PLA2G4D: variants seen among roughly 807,000 people sequenced by gnomAD.
PLA2G4D encodes phospholipase A2 group IVD.
PLA2G4D carries 80 observed loss-of-function variants against 94.4 expected under a neutral mutation model. The observed-to-expected ratio is 0.85, with a 90% confidence interval of 0.71 to 1.02. PLA2G4D has a LOEUF of 1.02. Ranked by LOEUF, PLA2G4D falls within the 50% of genes least tolerant of loss-of-function variation. PLA2G4D has a pLI of 0.00. For synonymous variants in PLA2G4D, 438 were observed against 440.9 expected, an observed-to-expected ratio of 0.99 and a Z score of 0.08; for missense variants, 1,050 against 1,034.7, an observed-to-expected ratio of 1.01 and a Z score of -0.20.
Position 42,071,482 on chromosome 15 carries a change from G to A in PLA2G4D, c.1643C>T (p.Ser548Phe). The change falls in exon 16 of 20, where the codon TCC (serine) becomes TTC (phenylalanine). Residue 548 changes from serine to phenylalanine, a missense_variant. Coordinates refer to ENST00000290472, the MANE Select transcript of PLA2G4D (RefSeq NM_178034.4). ...CTTGTCCTTGATGTGCTGTTTCCAG[G>A]ACTCCCCAGAACTGGTGAGGTCATA... is the stretch of plus-strand genomic sequence containing the variant. ...AWYDLTSSGE[S>F]WKQHIKDKTR... The A allele has an allele frequency of 1.2e-6, 2 of 1,613,862 alleles. No individual in the cohort carries two copies. The highest frequency in any genetic ancestry group is 1.7e-6 in the Non-Finnish European group (2 of 1,179,878).
chr15:42,092,092 T>C (rs116953180), intron 1 of PLA2G4D, among the ~76,000 whole-genome samples: 11,567 of 152,292 alleles, frequency 0.076, 549 homozygotes, highest in Middle Eastern at 0.14. Flanking sequence ...TCTTTATTTC[T>C]AAACTCTCTC....
rs1890109011 is a variant in PLA2G4D at position 42,084,812 on chromosome 15, T to C, written c.471+284A>G. Among the ~76,000 whole-genome samples, 1 of 152,148 alleles carries C rather than the reference T, an allele frequency of 6.6e-6. No individual in the cohort carries two copies. The highest frequency in any genetic ancestry group is 2.1e-4 in the South Asian group (1 of 4,834). On this transcript the variant is annotated intron_variant, in intron 6 of 19. Transcript: ENST00000290472. The surrounding 1 kb of genome is among the most constrained non-coding windows in gnomAD (Gnocchi z 4.8). ...CTCAGTCAATCCCTAGAACTATGAG[T>C]TCACCGCAGGTGACTAAACACCTTC...
intron 16 of PLA2G4D, 27 bp from the exon 17 acceptor site, chr15:42,071,344 C>T: frequency 6.4e-7 from 1 of 1,565,834 alleles, no homozygotes; most frequent in Non-Finnish European, 8.6e-7. Flanking sequence ...AGAAATTGGT[C>T]CCTTCTTCCC....
Position 42,069,834 on chromosome 15 carries a change from G to T in PLA2G4D, c.2230+75C>A, listed in dbSNP as rs1889765516. 5 of 1,240,162 alleles carry T rather than the reference G, an allele frequency of 4.0e-6. No homozygotes were observed. The African/African-American group carries it at 4.8e-5, about 12-fold the overall frequency. The allele number at this position is 1,240,162 out of a possible 1,614,324, so 76.8% of individuals were successfully genotyped here. A position where few individuals can be genotyped will look rare whatever the true frequency, so the allele number is the denominator to read the frequency against. On this transcript the variant is annotated intron_variant, in intron 19 of 19. Transcript: ENST00000290472. ...TGGCAGACTCATTTCCCTTCCCTCTGCTGGGCAGCCGGGGGGCCCAGGGCA... is the reference window on the plus strand; with the variant it reads ...TGGCAGACTCATTTCCCTTCCCTCTTCTGGGCAGCCGGGGGGCCCAGGGCA...
At position 42,086,194 on chromosome 15, in the gene PLA2G4D, T is replaced by TTGGGGGGGGGGGGGGGCGGGG; in HGVS notation, c.387+18_387+19insCCCCGCCCCCCCCCCCCCCCA. On this transcript the variant is annotated intron_variant, in intron 4 of 19. Transcript: ENST00000290472. ...GGAAGAAGTGGGGCCCACGGGGACT[T>TTGGGGGGGGGGGGGGGCGGGG]CCCCACCCACCCACCCACCTGGGGA... 1 of 1,370,444 alleles carries TTGGGGGGGGGGGGGGGCGGGG rather than the reference T, an allele frequency of 7.3e-7. No homozygotes were observed. Among genetic ancestry groups the TTGGGGGGGGGGGGGGGCGGGG allele is most frequent in the Non-Finnish European group, 9.6e-7 (1 of 1,043,084 alleles). The allele number at this position is 1,370,444 out of a possible 1,614,324, so 84.9% of individuals were successfully genotyped here. A position where few individuals can be genotyped will look rare whatever the true frequency, so the allele number is the denominator to read the frequency against.
Position 42,067,232 on chromosome 15 carries a change from G to C in PLA2G4D, c.*1483C>G, listed in dbSNP as rs1033352589. 1.3e-5 allele frequency: 2 copies of C among 152,214 alleles called. No individual in the cohort carries two copies. Among genetic ancestry groups the C allele is most frequent in the Non-Finnish European group, 2.9e-5 (2 of 68,078 alleles). 9.4% of individuals were successfully genotyped at this position (152,214 alleles called of 1,614,324 possible). ...TATGTGTACACGCACCCTTGCATGA[G>C]GGAGGTAAGAAATGTGCTAGCAGCT... On this transcript the variant is annotated 3_prime_UTR_variant, in exon 20 of 20. Coordinates refer to ENST00000290472, the MANE Select transcript of PLA2G4D (RefSeq NM_178034.4).
At chr15:42,069,005 G>T in intron 19 of PLA2G4D, 64 bp from the exon 20 acceptor site, 1 of 1,434,812 alleles carries the variant, frequency 7.0e-7, no homozygotes. Flanking sequence ...TGGCAGCGGC[G>T]CACAGGGAGG....
Position 42,079,567 on chromosome 15 carries a change from C to T in PLA2G4D, c.1287G>A (p.Ala429=), listed in dbSNP as rs779546424. The T allele has an allele frequency of 2.6e-5, 41 of 1,607,134 alleles. No homozygotes were observed. Among genetic ancestry groups the T allele is most frequent in the Non-Finnish European group, 3.4e-5 (40 of 1,178,490 alleles). Residue 429 remains alanine, a synonymous_variant, in exon 13 of 20, where the codon GCG becomes GCA. Transcript: ENST00000290472. ...GHPTTFVDLW[A]LVLESMLHGQ... is the part of the protein sequence containing the mutation. ...CGTGCAGCATGGACTCCAGCACTAGCGCCCACAGGTCCACAAAGGTCGTGG... is the reference window on the plus strand; with the variant it reads ...CGTGCAGCATGGACTCCAGCACTAGTGCCCACAGGTCCACAAAGGTCGTGG...
At chr15:42,080,166 C>A (rs555589522) in intron 12 of PLA2G4D, among the ~76,000 whole-genome samples, 175 of 152,262 alleles carry the variant, frequency 1.1e-3, no homozygotes, top group African/African-American at 3.9e-3. Flanking sequence ...GGCTGCATTT[C>A]AAATGGTCAA....
intron 10 of PLA2G4D, 61 bp downstream of exon 10, chr15:42,081,736 A>C: frequency 6.2e-7 from 1 of 1,613,462 alleles, no homozygotes. Context: ...ACCTTTGTCC[A>C]TAGCCCTCCC....
Position 42,082,244 on chromosome 15 carries a change from T to C in PLA2G4D, c.783+35A>G, listed in dbSNP as rs758962106. 4.5e-6 allele frequency: 7 copies of C among 1,541,282 alleles called. No homozygotes were observed. In the Admixed American group the frequency reaches 1.2e-4, roughly 26 times the overall value. On this transcript the variant is annotated intron_variant, in intron 9 of 19. Coordinates refer to ENST00000290472, the MANE Select transcript of PLA2G4D (RefSeq NM_178034.4). ...ACAGAGCCCAGCCTTATCTTCATTC[T>C]TACTGGCATTTCCCATCCAGTTGAG...
At position 42,085,376 on chromosome 15, in the gene PLA2G4D, G is replaced by C. The variant is rs1890121309; in HGVS notation, c.428+115C>G. 2.0e-5 allele frequency: 25 copies of C among 1,261,846 alleles called. 2 individuals carry two copies. In the South Asian group the frequency reaches 3.0e-4, roughly 15 times the overall value. 78.2% of individuals were successfully genotyped at this position (1,261,846 alleles called of 1,614,324 possible). A position where few individuals can be genotyped will look rare whatever the true frequency, so the allele number is the denominator to read the frequency against. The stretch of plus-strand genomic sequence containing the variant: ...CGCCCCACTCCCGACCTCTCTGGCA[G>C]GGGTAGGAGATGAGGGACAGTCAGG... On this transcript the variant is annotated intron_variant, in intron 5 of 19. Coordinates refer to ENST00000290472, the MANE Select transcript of PLA2G4D (RefSeq NM_178034.4).
At position 42,068,946 on chromosome 15, in the gene PLA2G4D, C is replaced by T. The variant is rs373743306; in HGVS notation, c.2231-5G>A. On this transcript the variant is annotated splice_region_variant and splice_polypyrimidine_tract_variant and intron_variant, in intron 19 of 19. Coordinates refer to ENST00000290472, the MANE Select transcript of PLA2G4D (RefSeq NM_178034.4). Reference sequence around the variant, plus strand: ...CTGCGGGGCTGCGCTGGACACCTGCCCAGGGGTAGGAGGGGTGTCAGGAGC... The same window carrying T: ...CTGCGGGGCTGCGCTGGACACCTGCTCAGGGGTAGGAGGGGTGTCAGGAGC... The T allele has an allele frequency of 6.2e-7, 1 of 1,605,838 alleles. No homozygotes were observed. The highest frequency in any genetic ancestry group is 8.5e-7 in the Non-Finnish European group (1 of 1,177,472).
In PLA2G4D at chr15:42,068,491, T is replaced by C. The variant is rs1180202068; in HGVS notation, c.*224A>G. On this transcript the variant is annotated 3_prime_UTR_variant, in exon 20 of 20. Transcript: ENST00000290472. ...GTCTGTCTGGTTGGACCAGCTGTTC[T>C]ACACACTGGCCTGGCGAAGTTATTT... is the stretch of plus-strand genomic sequence containing the variant. The C allele has an allele frequency of 1.7e-6, 1 of 574,126 alleles. No individual in the cohort carries two copies. The highest frequency in any genetic ancestry group is 3.1e-5 in the Admixed American group (1 of 32,704). 35.6% of individuals were successfully genotyped at this position (574,126 alleles called of 1,614,324 possible).
Position 42,072,408 on chromosome 15 carries a change from A to T in PLA2G4D, c.1318-16T>A. 1 of 1,597,690 alleles carries T rather than the reference A, an allele frequency of 6.3e-7. No homozygotes were observed. Among genetic ancestry groups the T allele is most frequent in the East Asian group, 2.2e-5 (1 of 44,830 alleles). ...GATCCATCACCTGGGGCCAGAGGGC[A>T]TCAGGGCCTAAGTGAGGCTGGGAGT... On this transcript the variant is annotated splice_polypyrimidine_tract_variant and intron_variant, in intron 13 of 19. Coordinates refer to ENST00000290472, the MANE Select transcript of PLA2G4D (RefSeq NM_178034.4).
chr15:42,093,790 CACTT>C (rs1268698983), intron 1 of PLA2G4D, among the ~76,000 whole-genome samples: 2 of 152,220 alleles, frequency 1.3e-5, no homozygotes, highest in Non-Finnish European at 2.9e-5. Context: ...GACCTTGACA[CACTT>C]AGCCTCATTC....
chr15:42,087,601 G>T, intron 2 of PLA2G4D, 27 bp downstream of exon 2: 1 of 1,613,624 alleles, frequency 6.2e-7, no homozygotes, highest in African/African-American at 1.3e-5. Flanking sequence ...CCCTGCTCCC[G>T]ACAGAGCGCA....
At position 42,085,441 on chromosome 15, in the gene PLA2G4D, C is replaced by T. The variant is rs761334242; in HGVS notation, c.428+50G>A. 13 of 1,474,924 alleles carry T rather than the reference C, an allele frequency of 8.8e-6. 1 individual carries two copies. Among genetic ancestry groups the T allele is most frequent in the Admixed American group, 6.9e-5 (4 of 58,126 alleles). 91.4% of individuals were successfully genotyped at this position (1,474,924 alleles called of 1,614,324 possible). On this transcript the variant is annotated intron_variant, in intron 5 of 19. Coordinates refer to ENST00000290472, the MANE Select transcript of PLA2G4D (RefSeq NM_178034.4). ...GGGAGATCTGGGTCAGGGCCATTTC[C>T]TCAGAGCCTGAGTCCTGAGACACTC... is the stretch of plus-strand genomic sequence containing the variant.
rs148968286 is a variant in PLA2G4D, at chr15:42,069,982, G to A, written c.2157C>T (p.Pro719=). 8.2e-4 allele frequency: 1,222 copies of A among 1,483,424 alleles called. 2 individuals carry two copies. The highest frequency in any genetic ancestry group is 8.9e-4 in the Non-Finnish European group (1,003 of 1,121,424). The allele number at this position is 1,483,424 out of a possible 1,614,324, so 91.9% of individuals were successfully genotyped here. A position where few individuals can be genotyped will look rare whatever the true frequency, so the allele number is the denominator to read the frequency against. ...GCAGGATCGGGGCCTCGGGGCAGGC[G>A]GGGTCTGAGAAGAGGTGGCATTCCC... is the stretch of plus-strand genomic sequence containing the variant. ...QPRECHLFSD[P]ACPEAPILLH... The change falls in exon 19 of 20, where the codon CCC becomes CCT. Residue 719 remains proline (P), a synonymous_variant. Coordinates refer to ENST00000290472, the MANE Select transcript of PLA2G4D (RefSeq NM_178034.4).
Sources: allele counts gnomAD v4.1 joint callset (sites outside exome capture counted in the v4.1 genomes callset), GRCh38; gene constraint gnomAD v4.1.1; non-coding constraint Gnocchi (gnomAD v3.1); transcripts MANE v1.5; gene names NCBI Gene and HGNC (gene_info 2026-07-23, HGNC 2026-07-21).